Variants in SLC35F4 observed in about 807,000 individuals in gnomAD.
The protein encoded by SLC35F4 is chromosome 14 open reading frame 36.
In SLC35F4, 24 loss-of-function variants were observed where a neutral mutation model predicts 44.2. The ratio of observed to expected loss-of-function variants is 0.54; its 90% CI spans 0.39 to 0.76. The LOEUF is 0.76. Among genes scored for constraint, SLC35F4 ranks in the 30% least tolerant of loss-of-function variants. SLC35F4 has a pLI of 0.00. For synonymous variants in SLC35F4, 238 were observed against 223.6 expected (o/e 1.06, Z -0.57); for missense variants, 562 against 586.1 (o/e 0.96, Z 0.42).
At chr14:57,894,991 C>A (rs559233085) in intron 1 of SLC35F4, among the ~76,000 whole-genome samples, 1 of 152,234 alleles carries the variant, frequency 6.6e-6, no homozygotes, top group Non-Finnish European at 1.5e-5. Context: ...CACATCACTG[C>A]CAGGTCAAAC....
chr14:57,870,036 C>A (rs1307523892), upstream of SLC35F4, among the ~76,000 whole-genome samples: 2 of 152,042 alleles, frequency 1.3e-5, no homozygotes, highest in Admixed American at 1.3e-4. Flanking sequence ...TTTTGAGGCT[C>A]AACTCTTTGG....
chr14:57,811,229 GA>G (rs1470613360), intron 1 of SLC35F4, among the ~76,000 whole-genome samples: 2 of 152,204 alleles, frequency 1.3e-5, no homozygotes, highest in African/African-American at 4.8e-5. Flanking sequence ...GAAAGGTGGG[GA>G]AAGGTAGAGT....
At chr14:57,659,574 T>A (rs1478975705) in intron 1 of SLC35F4, among the ~76,000 whole-genome samples, 3 of 152,116 alleles carry the variant, frequency 2.0e-5, no homozygotes, top group African/African-American at 7.2e-5. Flanking sequence ...AACCAAGGCA[T>A]AGAGGGTAAA....
chr14:57,723,434 AT>A (rs759536507), intron 1 of SLC35F4, among the ~76,000 whole-genome samples: 10 of 152,184 alleles, frequency 6.6e-5, no homozygotes, highest in Non-Finnish European at 1.0e-4. Flanking sequence ...AGGGGTGGTG[AT>A]TTTCACCACA....
intron 1 of SLC35F4, among the ~76,000 whole-genome samples, chr14:57,624,230 C>G (rs935274606): frequency 1.3e-5 from 2 of 152,266 alleles, no homozygotes; most frequent in Admixed American, 6.5e-5. Flanking sequence ...GACACATACA[C>G]CCTCTCAAGA....
At chr14:57,775,020 C>G (rs2077454761) in intron 1 of SLC35F4, among the ~76,000 whole-genome samples, 1 of 151,852 alleles carries the variant, frequency 6.6e-6, no homozygotes, top group Admixed American at 6.6e-5. Context: ...CAGCACTCCA[C>G]CATAGTGGCC....
intron 1 of SLC35F4, among the ~76,000 whole-genome samples, chr14:57,672,178 G>T (rs184873344): frequency 1.3e-5 from 2 of 152,000 alleles, no homozygotes; most frequent in East Asian, 3.9e-4. Context: ...CACTCGCAGA[G>T]GCCACACACT....
intron 1 of SLC35F4, chr14:57,629,909 T>C (rs2072681503): frequency 4.4e-6 from 2 of 458,670 alleles, no homozygotes; most frequent in Non-Finnish European, 8.7e-6. Context: ...CACCATGTCC[T>C]GCTACCAGTA....
chr14:57,577,222 C>T (rs1004486883), intron 4 of SLC35F4, among the ~76,000 whole-genome samples: 14 of 152,168 alleles, frequency 9.2e-5, no homozygotes, highest in Non-Finnish European at 1.6e-4. Context: ...CTTCAGGGGC[C>T]CAATTTGAAT....
intron 1 of SLC35F4, among the ~76,000 whole-genome samples, chr14:57,921,813 A>G (rs1288319828): frequency 4.6e-5 from 7 of 152,186 alleles, no homozygotes; most frequent in Non-Finnish European, 1.5e-5. Flanking sequence ...TTACATCTGC[A>G]ATGACCCTAT....
chr14:57,733,140 C>G (rs1233543476), intron 1 of SLC35F4, among the ~76,000 whole-genome samples: 1 of 152,124 alleles, frequency 6.6e-6, no homozygotes, highest in Non-Finnish European at 1.5e-5. Context: ...AGCTTGGGCA[C>G]TGGTCCAACT....
At chr14:57,629,667 T>A (rs761774414) in intron 1 of SLC35F4, among the ~76,000 whole-genome samples, 7 of 152,096 alleles carry the variant, frequency 4.6e-5, no homozygotes, top group Non-Finnish European at 8.8e-5. Context: ...TCACAGAAAT[T>A]ATCACTATAT....
intron 1 of SLC35F4, among the ~76,000 whole-genome samples, chr14:57,656,288 GA>G (rs1310151878): frequency 6.7e-6 from 1 of 149,598 alleles, no homozygotes; most frequent in African/African-American, 2.5e-5. Context: ...AAAGGAGCCA[GA>G]AGCCCCCCCA....
At chr14:57,705,868 T>A (rs1430631215) in intron 1 of SLC35F4, among the ~76,000 whole-genome samples, 1 of 151,826 alleles carries the variant, frequency 6.6e-6, no homozygotes. Flanking sequence ...TCGAAGTTAG[T>A]TTTTTTTCTC....
At chr14:57,683,068 AT>A (rs57757390) in intron 1 of SLC35F4, among the ~76,000 whole-genome samples, 20,442 of 152,036 alleles carry the variant, frequency 0.13, 1,652 homozygotes, top group African/African-American at 0.22. Flanking sequence ...AATCTCAAGT[AT>A]TTTTTAGATA....
chr14:57,616,006 C>A (rs531697888), intron 1 of SLC35F4, among the ~76,000 whole-genome samples: 2 of 152,128 alleles, frequency 1.3e-5, no homozygotes, highest in African/African-American at 2.4e-5. Flanking sequence ...AAAATAACTA[C>A]CATTTCTTTA....
chr14:57,937,064 C>CTTTTTTTTTTTTTTTTTTTTTT (rs11458039), intron 1 of SLC35F4, among the ~76,000 whole-genome samples: 5 of 144,218 alleles, frequency 3.5e-5, no homozygotes, highest in Non-Finnish European at 3.0e-5. Context: ...ATTTTACCTG[C>CTTTTTTTTTTTTTTTTTTTTTT]TTTTTTTTTT....
In SLC35F4 at chr14:57,569,681, G is replaced by T; in HGVS notation, c.1126+107C>A. 3 of 1,228,892 alleles carry T rather than the reference G, an allele frequency of 2.4e-6. No individual in the cohort carries two copies. The South Asian group carries it at 5.8e-5, about 24-fold the overall frequency. 76.1% of individuals were successfully genotyped at this position (1,228,892 alleles called of 1,614,324 possible). A position where few individuals can be genotyped will look rare whatever the true frequency, so the allele number is the denominator to read the frequency against. On this transcript the variant is annotated intron_variant, in intron 6 of 7. Transcript: ENST00000556826. The stretch of plus-strand genomic sequence containing the variant: ...AACGACATTGAACAACATAAGTTTG[G>T]GAACTAGAGCACAGAGTTACCCAAG...
chr14:57,934,575 T>C (rs1889761201), intron 1 of SLC35F4, among the ~76,000 whole-genome samples: 1 of 151,944 alleles, frequency 6.6e-6, no homozygotes, highest in East Asian at 1.9e-4. Flanking sequence ...AGCAAGTACA[T>C]GGCAAGCAAG....
Sources: gnomAD v4.1 joint callset for allele counts (sites outside exome capture counted in the v4.1 genomes callset) on GRCh38, gnomAD v4.1.1 for gene constraint, MANE v1.5 for transcripts, NCBI Gene and HGNC (gene_info 2026-07-23, HGNC 2026-07-21) for gene names.